Variants in HIVEP1 observed in about 807,000 individuals in gnomAD.
The protein encoded by HIVEP1 is zinc finger protein 40.
Under a neutral mutation model 180.0 loss-of-function variants are expected in HIVEP1, and 36 were observed. The ratio of observed to expected loss-of-function variants is 0.20; its 90% CI spans 0.15 to 0.26. HIVEP1 has a LOEUF of 0.26. Among genes scored for constraint, HIVEP1 ranks in the 10% least tolerant of loss-of-function variants. HIVEP1 has a pLI of 1.00. For synonymous variants in HIVEP1, 1,239 were observed against 1,239.0 expected (o/e 1.00, Z 0.00); for missense variants, 3,143 against 3,268.7 (o/e 0.96, Z 0.94).
the HIVEP1 span, among the ~76,000 whole-genome samples, chr6:12,177,397 A>AT: frequency 2.0e-5 from 3 of 152,254 alleles, no homozygotes; most frequent in African/African-American, 7.2e-5. Flanking sequence ...TGTGCTTGGG[A>AT]TTTTATTCTT....
At chr6:12,051,712 GGT>G (rs1340441719) in intron 2 of HIVEP1, among the ~76,000 whole-genome samples, 2 of 138,078 alleles carry the variant, frequency 1.4e-5, no homozygotes, top group Non-Finnish European at 3.3e-5. Flanking sequence ...TACATGAATG[GGT>G]ATTACTAAAA....
chr6:12,191,319 G>A, the HIVEP1 span, among the ~76,000 whole-genome samples: 1 of 152,240 alleles, frequency 6.6e-6, no homozygotes, highest in African/African-American at 2.4e-5. Context: ...GCTAGGCACA[G>A]TGGCTCACAC....
intron 2 of HIVEP1, among the ~76,000 whole-genome samples, chr6:12,019,373 C>G (rs928041617): frequency 2.0e-5 from 3 of 152,200 alleles, no homozygotes; most frequent in Non-Finnish European, 2.9e-5. Context: ...TAACCATCAG[C>G]TCCTGAGATT....
the HIVEP1 span, among the ~76,000 whole-genome samples, chr6:12,197,235 T>C: frequency 6.6e-6 from 1 of 151,726 alleles, no homozygotes; most frequent in African/African-American, 2.4e-5. Flanking sequence ...TGGGATGAAG[T>C]GTGGGGAGCT....
chr6:12,194,363 G>C, the HIVEP1 span, among the ~76,000 whole-genome samples: 5 of 146,620 alleles, frequency 3.4e-5, no homozygotes, highest in East Asian at 9.8e-4. Flanking sequence ...GGAGAGTACA[G>C]AGAGAGAGAG....
intron 2 of HIVEP1, among the ~76,000 whole-genome samples, chr6:12,065,005 C>T (rs1326272493): frequency 6.6e-6 from 1 of 152,168 alleles, no homozygotes; most frequent in Non-Finnish European, 1.5e-5. Context: ...GTTGCTAAAA[C>T]ATCTCAGATG....
intron 2 of HIVEP1, among the ~76,000 whole-genome samples, chr6:12,051,593 AAATAT>A (rs1770545887): frequency 6.6e-6 from 1 of 152,052 alleles, no homozygotes; most frequent in East Asian, 1.9e-4. Flanking sequence ...CACCCTAATT[AAATAT>A]AATATATAGA....
intron 2 of HIVEP1, 107 bp from the exon 3 acceptor site, chr6:12,089,077 A>AT (rs1581659697): frequency 1.7e-6 from 1 of 589,576 alleles, no homozygotes; most frequent in East Asian, 2.9e-5. Context: ...TATTCAACAC[A>AT]TTTTTTACTA....
At chr6:12,113,373 T>A (rs905738148) in intron 3 of HIVEP1, among the ~76,000 whole-genome samples, 2 of 151,380 alleles carry the variant, frequency 1.3e-5, no homozygotes, top group African/African-American at 4.9e-5. Context: ...GCTGAGGAGA[T>A]GGCAAGTACA....
At chr6:12,025,284 A>C (rs1029352293) in intron 2 of HIVEP1, among the ~76,000 whole-genome samples, 1 of 152,236 alleles carries the variant, frequency 6.6e-6, no homozygotes, top group Non-Finnish European at 1.5e-5. Flanking sequence ...AGCTGAGGTT[A>C]TTCAGGAGGT....
chr6:12,094,407 C>G (rs538086247), intron 3 of HIVEP1, among the ~76,000 whole-genome samples: 1 of 151,992 alleles, frequency 6.6e-6, no homozygotes, highest in South Asian at 2.1e-4. Flanking sequence ...AAAGAAAATG[C>G]TTCTAATTTT....
chr6:12,027,132 T>C (rs56294425), intron 2 of HIVEP1, among the ~76,000 whole-genome samples: 6,771 of 152,326 alleles, frequency 0.044, 194 homozygotes, highest in Middle Eastern at 0.16. Context: ...TACTATTTAA[T>C]GCTTTACAGA....
At chr6:12,041,420 TAAAAAAAAAAAAA>T (rs34364704) in intron 2 of HIVEP1, among the ~76,000 whole-genome samples, 2 of 52,264 alleles carry the variant, frequency 3.8e-5, no homozygotes, top group South Asian at 1.2e-3. Context: ...AGACTCCGTC[TAAAAAAAAAAAAA>T]AAAAAAAAAA....
chr6:12,157,171 C>G (rs1760110738), intron 7 of HIVEP1, among the ~76,000 whole-genome samples: 1 of 152,128 alleles, frequency 6.6e-6, no homozygotes, highest in Admixed American at 6.5e-5. Flanking sequence ...TTTCCCCAAA[C>G]TTTTATTTTC....
intron 2 of HIVEP1, among the ~76,000 whole-genome samples, chr6:12,042,115 A>C (rs9394480): frequency 0.15 from 20,472 of 135,946 alleles, 1,589 homozygotes; most frequent in Middle Eastern, 0.42. Flanking sequence ...CTCTGTCGCC[A>C]AGGCGGGACT....
At chr6:12,200,012 G>A in the HIVEP1 span, among the ~76,000 whole-genome samples, 1 of 152,138 alleles carries the variant, frequency 6.6e-6, no homozygotes, top group African/African-American at 2.4e-5. Flanking sequence ...GCTTGAGATG[G>A]GGACTAAGAG....
At chr6:12,106,132 C>T (rs1774420384) in intron 3 of HIVEP1, among the ~76,000 whole-genome samples, 2 of 151,144 alleles carry the variant, frequency 1.3e-5, no homozygotes, top group African/African-American at 4.9e-5. Flanking sequence ...TTGGTTTATC[C>T]ATTGATCTGA....
At chr6:12,096,835 G>A (rs777661692) in intron 3 of HIVEP1, among the ~76,000 whole-genome samples, 14 of 151,944 alleles carry the variant, frequency 9.2e-5, no homozygotes, top group Non-Finnish European at 2.1e-4. Flanking sequence ...AATTTAGGTA[G>A]TATAGTAGAA....
chr6:12,125,756 T>C lies in HIVEP1; in HGVS notation c.5961T>C (p.Ala1987=), dbSNP rs1215656149. 7 of 1,614,042 alleles carry C rather than the reference T, an allele frequency of 4.3e-6. No individual in the cohort carries two copies. The highest frequency in any genetic ancestry group is 1.3e-5 in the African/African-American group (1 of 75,042). Residue 1987 remains alanine, a synonymous_variant, in exon 4 of 9, where the codon GCT becomes GCC. Coordinates refer to ENST00000379388, the MANE Select transcript of HIVEP1 (RefSeq NM_002114.4). ...PLGLPTKVAL[A]LLNSKQNTGK... ...GTTTGCCCACAAAAGTTGCACTTGCTCTCCTTAATTCAAAACAGAACACTG... is the reference window on the plus strand; with the variant it reads ...GTTTGCCCACAAAAGTTGCACTTGCCCTCCTTAATTCAAAACAGAACACTG...
Sources: gnomAD v4.1 joint callset for allele counts (sites outside exome capture counted in the v4.1 genomes callset) on GRCh38, gnomAD v4.1.1 for gene constraint, MANE v1.5 for transcripts, NCBI Gene and HGNC (gene_info 2026-07-23, HGNC 2026-07-21) for gene names.